The following PRKCA variants were observed in gnomAD, a reference collection of about 807,000 sequenced individuals.
The protein encoded by PRKCA is protein kinase C alpha.
PRKCA carries 27 observed loss-of-function variants against 87.0 expected under a neutral mutation model. The ratio of observed to expected loss-of-function variants is 0.31; its 90% confidence interval spans 0.23 to 0.43. The LOEUF (loss-of-function observed/expected upper bound fraction) is 0.43. Among genes scored for constraint, PRKCA ranks in the 20% least tolerant of loss-of-function variants. The pLI is 1.00. For synonymous variants in PRKCA, 329 were observed against 311.1 expected (o/e 1.06, Z -0.61); for missense variants, 518 against 852.3 (o/e 0.61, Z 4.88).
At chr17:66,393,242 G>A (rs1381538231) in intron 2 of PRKCA, among the ~76,000 whole-genome samples, 4 of 152,112 alleles carry the variant, frequency 2.6e-5, no homozygotes, top group Admixed American at 6.5e-5. Flanking sequence ...TTAGTTCAGC[G>A]TTCTAACAGG....
At chr17:66,564,111 C>T (rs184321061) in intron 3 of PRKCA, among the ~76,000 whole-genome samples, 1 of 151,764 alleles carries the variant, frequency 6.6e-6, no homozygotes, top group African/African-American at 2.4e-5. Flanking sequence ...CAGAGTCTCG[C>T]TCTGTTGCCC....
rs79079423 is a variant in PRKCA at position 66,335,666 on chromosome 17, C to T, written c.205+29539C>T. ...GTTATTGCAATTTCAGAGTATATTGCGATCATTTCCCACATTACATATATT... is the reference window on the plus strand; with the variant it reads ...GTTATTGCAATTTCAGAGTATATTGTGATCATTTCCCACATTACATATATT... On this transcript the variant is annotated intron_variant, in intron 2 of 16. Coordinates refer to ENST00000413366, the MANE Select transcript of PRKCA (RefSeq NM_002737.3). 5.1e-3 allele frequency among the ~76,000 whole-genome samples: 772 copies of T among 151,476 alleles called. 4 individuals are homozygous for T. The highest frequency in any genetic ancestry group is 0.018 in the African/African-American group (729 of 41,332).
chr17:66,503,538 G>A (rs965286480), intron 3 of PRKCA, among the ~76,000 whole-genome samples: 2 of 152,208 alleles, frequency 1.3e-5, no homozygotes, highest in Non-Finnish European at 2.9e-5. Flanking sequence ...TGAGCGCACT[G>A]ACTGTAAACA....
chr17:66,512,007 G>A (rs1046260723), intron 3 of PRKCA, among the ~76,000 whole-genome samples: 9 of 152,020 alleles, frequency 5.9e-5, no homozygotes, highest in African/African-American at 1.9e-4. Context: ...CTGTCCATCC[G>A]GCAGCCAGAC....
chr17:66,756,715 C>A (rs1209954752), intron 13 of PRKCA, among the ~76,000 whole-genome samples: 2 of 151,734 alleles, frequency 1.3e-5, no homozygotes, highest in Admixed American at 1.3e-4. Context: ...AGGCTGGAGT[C>A]CAGTAGCATG....
intron 2 of PRKCA, among the ~76,000 whole-genome samples, chr17:66,354,951 C>A (rs1907963828): frequency 6.6e-6 from 1 of 152,140 alleles, no homozygotes; most frequent in Non-Finnish European, 1.5e-5. Flanking sequence ...TTTTCAGCAT[C>A]CTAACAAGGT....
chr17:66,586,427 G>A (rs974599564), intron 3 of PRKCA, among the ~76,000 whole-genome samples: 2 of 152,180 alleles, frequency 1.3e-5, no homozygotes, highest in African/African-American at 4.8e-5. Context: ...ATCTTCAACT[G>A]ATGTGATAAG....
chr17:66,696,970 G>A (rs772852516), intron 8 of PRKCA, among the ~76,000 whole-genome samples: 3 of 152,068 alleles, frequency 2.0e-5, no homozygotes, highest in Non-Finnish European at 4.4e-5. Flanking sequence ...TGACTCCGCC[G>A]TAAGCATCTG....
chr17:66,568,361 G>T (rs1330055750), intron 3 of PRKCA, among the ~76,000 whole-genome samples: 1 of 152,128 alleles, frequency 6.6e-6, no homozygotes, highest in East Asian at 1.9e-4. Flanking sequence ...TTGTGGTAGA[G>T]GTTAGTGTTT....
intron 2 of PRKCA, among the ~76,000 whole-genome samples, chr17:66,355,231 A>G (rs1907980611): frequency 6.6e-6 from 1 of 152,116 alleles, no homozygotes; most frequent in Non-Finnish European, 1.5e-5. Context: ...TTCTCATTCA[A>G]TCTTAAGCTG....
intron 5 of PRKCA, among the ~76,000 whole-genome samples, chr17:66,654,323 GACACTGATTGA>G (rs1204508884): frequency 2.6e-5 from 4 of 152,172 alleles, no homozygotes; most frequent in African/African-American, 9.7e-5. Flanking sequence ...AAGAGAAACC[GACACTGATTGA>G]ACACTTTTCG....
chr17:66,742,351 A>G (rs1401146459), intron 12 of PRKCA, among the ~76,000 whole-genome samples: 1 of 152,212 alleles, frequency 6.6e-6, no homozygotes, highest in African/African-American at 2.4e-5. Flanking sequence ...TGGAATCTCT[A>G]GAGTCACAGA....
intron 3 of PRKCA, among the ~76,000 whole-genome samples, chr17:66,519,231 A>G (rs1355586641): frequency 6.6e-6 from 1 of 152,196 alleles, no homozygotes; most frequent in African/African-American, 2.4e-5. Flanking sequence ...GAGCAAGCCG[A>G]AAGTTCACAG....
intron 14 of PRKCA, among the ~76,000 whole-genome samples, chr17:66,781,917 T>A (rs1032195051): frequency 3.5e-5 from 5 of 142,340 alleles, no homozygotes; most frequent in East Asian, 2.0e-4. Context: ...TGTGTGTGTG[T>A]GAGTGAGTGT....
In PRKCA at chr17:66,471,882, C is replaced by G. The variant is rs560882710; in HGVS notation, c.206-24319C>G. ...TCACTGTGAACCATGTGGGTGGGGC[C>G]GGGCAAATGCATATTTAAGTACTAT... On this transcript the variant is annotated intron_variant, in intron 2 of 16. Transcript: ENST00000413366. Among the ~76,000 whole-genome samples, 170 of 152,046 alleles carry G rather than the reference C, an allele frequency of 1.1e-3. 1 individual carries two copies. The highest frequency in any genetic ancestry group is 3.7e-3 in the African/African-American group (154 of 41,478).
In PRKCA at chr17:66,642,266, A is replaced by G. The variant is rs1374347801; in HGVS notation, c.400+800A>G. Among the ~76,000 whole-genome samples, 3 of 152,068 alleles carry G rather than the reference A, an allele frequency of 2.0e-5. No individual in the cohort carries two copies. The East Asian group carries it at 5.8e-4, about 30-fold the overall frequency. ...TGCCTCAGCCTCCCGAGTAGCTGGG[A>G]CTACAGGCCCCCACCACCACACCCA... On this transcript the variant is annotated intron_variant, in intron 4 of 16. Transcript: ENST00000413366.
intron 3 of PRKCA, among the ~76,000 whole-genome samples, chr17:66,566,179 A>G (rs2143349263): frequency 6.6e-6 from 1 of 152,178 alleles, no homozygotes; most frequent in South Asian, 2.1e-4. Context: ...CATTTCCTCT[A>G]TGGCCCCTTT....
At chr17:66,315,969 T>C (rs1182110441) in intron 2 of PRKCA, among the ~76,000 whole-genome samples, 1 of 152,202 alleles carries the variant, frequency 6.6e-6, no homozygotes, top group Non-Finnish European at 1.5e-5. Context: ...CATCTTAGTC[T>C]GAATGAAATA....
At chr17:66,595,864 A>T (rs1969958750) in intron 3 of PRKCA, among the ~76,000 whole-genome samples, 3 of 152,236 alleles carry the variant, frequency 2.0e-5, no homozygotes, top group Non-Finnish European at 4.4e-5. Flanking sequence ...GCAAACGTGC[A>T]TCAAAAAGGT....
Sources: allele counts gnomAD v4.1 joint callset (sites outside exome capture counted in the v4.1 genomes callset), GRCh38; gene constraint gnomAD v4.1.1; transcripts MANE v1.5; gene names NCBI Gene and HGNC (gene_info 2026-07-23, HGNC 2026-07-21).